The following AGMO variants were observed in gnomAD, a reference collection of about 807,000 sequenced individuals.
AGMO encodes glyceryl-ether monooxygenase.
In AGMO, 75 loss-of-function variants were observed where a neutral mutation model predicts 60.2. The ratio of observed to expected loss-of-function variants is 1.25; its 90% confidence interval spans 1.03 to 1.51. The LOEUF (loss-of-function observed/expected upper bound fraction) is 1.51. AGMO is among the 40% of genes most tolerant of loss of function. AGMO has a pLI of 0.00. For synonymous variants in AGMO, 261 were observed against 177.1 expected, an observed-to-expected ratio of 1.47 and a Z score of -3.76; for missense variants, 763 against 525.5, an observed-to-expected ratio of 1.45 and a Z score of -4.42.
intron 3 of AGMO, among the ~76,000 whole-genome samples, chr7:15,485,885 G>C (rs1041612974): frequency 1.3e-5 from 2 of 151,944 alleles, no homozygotes; most frequent in Admixed American, 6.6e-5. Flanking sequence ...GGGGTTCCAA[G>C]ATCTAAAATA....
intron 12 of AGMO, among the ~76,000 whole-genome samples, chr7:15,224,322 T>C (rs947472821): frequency 1.3e-5 from 2 of 151,992 alleles, no homozygotes; most frequent in Admixed American, 6.6e-5. Context: ...AAACTGATGG[T>C]ATTATGAGGA....
intron 5 of AGMO, among the ~76,000 whole-genome samples, chr7:15,411,231 C>T (rs970064249): frequency 1.7e-4 from 26 of 152,080 alleles, no homozygotes; most frequent in African/African-American, 4.8e-5. Context: ...GACTTTGTAG[C>T]CTCTAGAACT....
downstream of AGMO, among the ~76,000 whole-genome samples, chr7:15,199,475 T>C (rs958011086): frequency 5.3e-5 from 8 of 152,302 alleles, no homozygotes; most frequent in Non-Finnish European, 1.0e-4. Flanking sequence ...CATATACACA[T>C]ATTTATGTAT....
intron 3 of AGMO, among the ~76,000 whole-genome samples, chr7:15,515,513 A>C (rs1438120556): frequency 6.6e-6 from 1 of 152,174 alleles, no homozygotes; most frequent in Non-Finnish European, 1.5e-5. Flanking sequence ...CCGTGGATGT[A>C]CGTTTTGGCT....
intron 10 of AGMO, among the ~76,000 whole-genome samples, chr7:15,374,203 A>G (rs1783348984): frequency 1.3e-5 from 2 of 152,132 alleles, no homozygotes; most frequent in Non-Finnish European, 1.5e-5. Flanking sequence ...TTGCTCTTTA[A>G]AATAATTGTC....
At chr7:15,379,460 C>T (rs1268589687) in intron 10 of AGMO, among the ~76,000 whole-genome samples, 2 of 152,074 alleles carry the variant, frequency 1.3e-5, no homozygotes, top group African/African-American at 4.8e-5. Context: ...GTACAAACAA[C>T]AATCAGAAAA....
At chr7:15,283,169 A>T (rs1254357850) in intron 12 of AGMO, among the ~76,000 whole-genome samples, 2 of 152,112 alleles carry the variant, frequency 1.3e-5, no homozygotes, top group Admixed American at 1.3e-4. Context: ...CCCATAAAAC[A>T]ATAACACAAT....
chr7:15,389,225 A>AT (rs1431279636), intron 8 of AGMO, among the ~76,000 whole-genome samples: 6 of 152,184 alleles, frequency 3.9e-5, no homozygotes, highest in African/African-American at 1.4e-4. Flanking sequence ...ACTGAACAGA[A>AT]TCTGCATTTT....
intron 12 of AGMO, among the ~76,000 whole-genome samples, chr7:15,293,862 T>A (rs931002334): frequency 6.6e-6 from 1 of 152,176 alleles, no homozygotes; most frequent in South Asian, 2.1e-4. Context: ...TGTGTATATT[T>A]AAAATGTTGT....
At chr7:15,334,126 A>G (rs1008219236) in intron 12 of AGMO, among the ~76,000 whole-genome samples, 7 of 152,064 alleles carry the variant, frequency 4.6e-5, no homozygotes, top group African/African-American at 1.7e-4. Flanking sequence ...TATGTAAAAA[A>G]CTCATAACAA....
the AGMO span, among the ~76,000 whole-genome samples, chr7:15,195,308 A>C: frequency 6.6e-6 from 1 of 152,164 alleles, no homozygotes; most frequent in Non-Finnish European, 1.5e-5. Flanking sequence ...CAAGAAAGAG[A>C]AAAGAGAATA....
chr7:15,459,629 T>TGTGTGTGTG (rs1554274873), intron 3 of AGMO, among the ~76,000 whole-genome samples: 1 of 26,216 alleles, frequency 3.8e-5, no homozygotes, highest in African/African-American at 1.5e-4. Context: ...GTGTGTATGG[T>TGTGTGTGTG]TGTCAGTCAT....
intron 12 of AGMO, among the ~76,000 whole-genome samples, chr7:15,291,725 AG>A (rs1245892606): frequency 1.3e-5 from 2 of 152,208 alleles, no homozygotes; most frequent in Non-Finnish European, 2.9e-5. Context: ...GGCCTAGCAC[AG>A]AAGATGAACA....
chr7:15,248,925 C>CT (rs1179134733), intron 12 of AGMO, among the ~76,000 whole-genome samples: 2 of 152,122 alleles, frequency 1.3e-5, no homozygotes, highest in Non-Finnish European at 2.9e-5. Context: ...TTGTAAGACT[C>CT]TAAGTTCTTT....
Position 15,529,289 on chromosome 7 carries a change from C to G in AGMO, c.409+15483G>C, listed in dbSNP as rs1347720370. On this transcript the variant is annotated intron_variant, in intron 3 of 12. Coordinates refer to ENST00000342526, the MANE Select transcript of AGMO (RefSeq NM_001004320.2). ...ATGGAAAGTATTGAAACAAATGTAC[C>G]ACCCTATAATATTTAAATATATATT... 4.0e-5 allele frequency among the ~76,000 whole-genome samples: 6 copies of G among 150,698 alleles called. No individual in the cohort carries two copies. The East Asian group carries it at 9.8e-4, about 25-fold the overall frequency.
intron 3 of AGMO, among the ~76,000 whole-genome samples, chr7:15,434,888 T>C (rs1781356255): frequency 6.8e-6 from 1 of 146,186 alleles, no homozygotes; most frequent in Non-Finnish European, 1.5e-5. Context: ...CAGTCCCTAG[T>C]ATCCAATGAT....
the AGMO span, among the ~76,000 whole-genome samples, chr7:15,148,622 A>T: frequency 6.6e-6 from 1 of 152,106 alleles, no homozygotes; most frequent in Admixed American, 6.6e-5. Context: ...TGCTTAGGAT[A>T]CTGACTGCAT....
intron 2 of AGMO, among the ~76,000 whole-genome samples, chr7:15,547,159 T>C (rs1441388874): frequency 1.4e-5 from 2 of 140,784 alleles, no homozygotes; most frequent in African/African-American, 4.9e-5. Context: ...TGCTGTTCTT[T>C]AGCACCTAGA....
At chr7:15,411,009 A>C (rs1490901403) in intron 5 of AGMO, among the ~76,000 whole-genome samples, 1 of 152,054 alleles carries the variant, frequency 6.6e-6, no homozygotes, top group Non-Finnish European at 1.5e-5. Flanking sequence ...GGAATCTTTA[A>C]GATGTGATTA....
Sources: allele counts gnomAD v4.1 joint callset (sites outside exome capture counted in the v4.1 genomes callset), GRCh38; gene constraint gnomAD v4.1.1; transcripts MANE v1.5; gene names NCBI Gene and HGNC (gene_info 2026-07-23, HGNC 2026-07-21).